The following MYO16 variants were observed in gnomAD, a reference collection of about 807,000 sequenced individuals.
MYO16 encodes unconventional myosin-XVI.
MYO16 carries 94 observed loss-of-function variants against 205.3 expected under a neutral mutation model. The observed-to-expected ratio is 0.46, with a 90% CI of 0.39 to 0.54. The LOEUF is 0.54. Ranked by LOEUF, MYO16 falls within the 20% of genes least tolerant of loss-of-function variation. MYO16 has a pLI of 0.00. For missense variants in MYO16, 2,315 were observed against 2,387.5 expected, an observed-to-expected ratio of 0.97 and a Z score of 0.63; for synonymous variants, 988 against 954.0, an observed-to-expected ratio of 1.04 and a Z score of -0.66.
At chr13:108,640,563 T>A (rs1880460578) in intron 1 of MYO16, among the ~76,000 whole-genome samples, 1 of 152,172 alleles carries the variant, frequency 6.6e-6, no homozygotes, top group Non-Finnish European at 1.5e-5. Flanking sequence ...GCAGCAAAAG[T>A]AGGTCACATG....
At chr13:108,510,480 T>A in the MYO16 span, among the ~76,000 whole-genome samples, 4 of 134,098 alleles carry the variant, frequency 3.0e-5, no homozygotes, top group Admixed American at 7.3e-5. Context: ...TTTTTTTTTT[T>A]TTTTTATTGT....
At chr13:108,673,118 C>G (rs531890832) in intron 2 of MYO16, among the ~76,000 whole-genome samples, 5 of 151,846 alleles carry the variant, frequency 3.3e-5, no homozygotes, top group East Asian at 1.9e-4. Context: ...CTCAGGGCTT[C>G]CTGAGTTGAG....
intron 4 of MYO16, among the ~76,000 whole-genome samples, chr13:108,754,114 C>A (rs1885340491): frequency 6.6e-6 from 1 of 151,694 alleles, no homozygotes; most frequent in African/African-American, 2.4e-5. Flanking sequence ...TTGTAGCATG[C>A]AGAACAAACT....
chr13:108,533,680 T>A, the MYO16 span, among the ~76,000 whole-genome samples: 1 of 152,204 alleles, frequency 6.6e-6, no homozygotes, highest in Admixed American at 6.5e-5. Context: ...TGGTTCTAAT[T>A]TGTATGCTTT....
At chr13:108,798,603 G>A (rs959012137) in intron 6 of MYO16, among the ~76,000 whole-genome samples, 4 of 151,398 alleles carry the variant, frequency 2.6e-5, no homozygotes, top group Admixed American at 6.6e-5. Context: ...TGCGATAACT[G>A]GCATATATAT....
rs540996873 is a variant in MYO16 at position 108,656,552 on chromosome 13, A to G, written c.29-9334A>G. On this transcript the variant is annotated intron_variant, in intron 1 of 34. Transcript: ENST00000457511. ...TCCAAATGTCTGAGATCTTCGATAT[A>G]AAGCATCTCCTAAATTGAAAATATA... Among the ~76,000 whole-genome samples the G allele has an allele frequency of 9.9e-4, 151 of 152,332 alleles. 2 individuals are homozygous for G. Among genetic ancestry groups the G allele is most frequent in the Non-Finnish European group, 1.7e-3 (116 of 68,032 alleles).
chr13:108,942,672 A>T (rs1204921496), intron 16 of MYO16, among the ~76,000 whole-genome samples: 1 of 152,100 alleles, frequency 6.6e-6, no homozygotes. Flanking sequence ...GATTTGTTTG[A>T]TGTCTCTGGA....
chr13:108,595,717 C>T (rs376920368), upstream of MYO16, among the ~76,000 whole-genome samples: 63 of 152,164 alleles, frequency 4.1e-4, no homozygotes, highest in African/African-American at 1.5e-3. Flanking sequence ...ATCTTCACGC[C>T]TCCTCTTCTG....
chr13:108,739,894 A>C lies in MYO16; in HGVS notation c.507+12311A>C, dbSNP rs554940092. Among the ~76,000 whole-genome samples the C allele has an allele frequency of 3.9e-3, 598 of 152,246 alleles. 2 individuals are homozygous for C. The highest frequency in any genetic ancestry group is 5.4e-3 in the Non-Finnish European group (370 of 68,016). On this transcript the variant is annotated intron_variant, in intron 4 of 34. Coordinates refer to ENST00000457511, the MANE Select transcript of MYO16 (RefSeq NM_001198950.3). ...ACTTCATTTCATTCATTTGATCTTC[A>C]GTCACTGATACCCTTTCTTCCAGTT...
intron 4 of MYO16, among the ~76,000 whole-genome samples, chr13:108,734,677 A>G (rs921061998): frequency 3.3e-5 from 5 of 152,262 alleles, no homozygotes; most frequent in South Asian, 2.1e-4. Context: ...CTGTTCTAGC[A>G]AAATATCAAT....
intron 24 of MYO16, among the ~76,000 whole-genome samples, chr13:109,049,879 C>T (rs1336096004): frequency 6.6e-6 from 1 of 150,604 alleles, no homozygotes; most frequent in Non-Finnish European, 1.5e-5. Context: ...TGCTATCTTT[C>T]TTTCTATCTC....
chr13:108,504,708 G>C, the MYO16 span, among the ~76,000 whole-genome samples: 45 of 151,714 alleles, frequency 3.0e-4, no homozygotes, highest in Admixed American at 7.2e-4. Flanking sequence ...GCTAATTTTT[G>C]TATTTTTAGT....
At chr13:108,666,968 G>T (rs933089843) in intron 2 of MYO16, among the ~76,000 whole-genome samples, 4 of 152,096 alleles carry the variant, frequency 2.6e-5, no homozygotes, top group Non-Finnish European at 5.9e-5. Flanking sequence ...ACCTTGACTG[G>T]CTCTCAAATC....
At chr13:108,551,711 C>T in the MYO16 span, among the ~76,000 whole-genome samples, 3 of 152,074 alleles carry the variant, frequency 2.0e-5, no homozygotes, top group Admixed American at 6.6e-5. Flanking sequence ...GTAGGAAAGG[C>T]CTTTCATGAT....
At chr13:108,651,283 AG>A (rs1215396931) in intron 1 of MYO16, among the ~76,000 whole-genome samples, 3 of 152,198 alleles carry the variant, frequency 2.0e-5, no homozygotes, top group African/African-American at 7.2e-5. Flanking sequence ...TGTCAGCCAT[AG>A]GTTTGACTGG....
chr13:108,929,089 GATCTAAA>G (rs1882138883), intron 16 of MYO16, among the ~76,000 whole-genome samples: 1 of 152,178 alleles, frequency 6.6e-6, no homozygotes, highest in South Asian at 2.1e-4. Flanking sequence ...GCTTTGTGCA[GATCTAAA>G]ATTAACTGTA....
chr13:108,869,731 T>TAAAAAAAAAAAAAAA (rs68025820), intron 12 of MYO16, among the ~76,000 whole-genome samples: 12 of 67,026 alleles, frequency 1.8e-4, no homozygotes, highest in Non-Finnish European at 2.5e-4. Flanking sequence ...ACTCCGTTTC[T>TAAAAAAAAAAAAAAA]AAAAAAAAAA....
At chr13:108,915,062 T>G (rs1881431402) in intron 16 of MYO16, among the ~76,000 whole-genome samples, 1 of 152,240 alleles carries the variant, frequency 6.6e-6, no homozygotes, top group African/African-American at 2.4e-5. Flanking sequence ...CAGCATAAAA[T>G]GAATGTAAAA....
intron 34 of MYO16, among the ~76,000 whole-genome samples, chr13:109,183,448 T>C (rs1479217272): frequency 6.6e-6 from 1 of 152,242 alleles, no homozygotes; most frequent in Non-Finnish European, 1.5e-5. Context: ...GTACTTGCCC[T>C]TGGCATAAAA....
Sources: gnomAD v4.1 joint callset for allele counts (sites outside exome capture counted in the v4.1 genomes callset) on GRCh38, gnomAD v4.1.1 for gene constraint, MANE v1.5 for transcripts, NCBI Gene and HGNC (gene_info 2026-07-23, HGNC 2026-07-21) for gene names.